Variants in CDH2 observed in about 807,000 individuals in gnomAD.
The protein encoded by CDH2 is cadherin 2.
In CDH2, 17 loss-of-function variants were observed where a neutral mutation model predicts 92.0. That is an observed-to-expected ratio of 0.18 (90% CI 0.13 to 0.28). The LOEUF (loss-of-function observed/expected upper bound fraction) is 0.28, where lower values mean the gene tolerates loss of function less well. CDH2 is among the 10% of genes least tolerant of loss of function. The probability of loss-of-function intolerance (pLI) is 1.00; values close to 1 mark genes in which losing one functional copy is unlikely to be tolerated. For synonymous variants in CDH2, 419 were observed against 415.9 expected, an observed-to-expected ratio of 1.01 and a Z score of -0.09; for missense variants, 862 against 1,133.1, an observed-to-expected ratio of 0.76 and a Z score of 3.44.
chr18:28,130,223 T>A (rs768483256), intron 2 of CDH2, among the ~76,000 whole-genome samples: 3 of 152,172 alleles, frequency 2.0e-5, no homozygotes, highest in Non-Finnish European at 2.9e-5. Context: ...CATGAGCAAG[T>A]CCTGGCTGGT....
At chr18:28,119,693 T>C (rs1490531713) in intron 2 of CDH2, among the ~76,000 whole-genome samples, 2 of 152,104 alleles carry the variant, frequency 1.3e-5, no homozygotes, top group African/African-American at 4.8e-5. Context: ...TCTCGTCTTC[T>C]CCCACAGTAA....
At chr18:28,096,449 T>G (rs2015137049) in intron 2 of CDH2, among the ~76,000 whole-genome samples, 1 of 151,030 alleles carries the variant, frequency 6.6e-6, no homozygotes, top group African/African-American at 2.4e-5. Context: ...ATGAAGTAAC[T>G]ATGGTAGAGA....
intron 2 of CDH2, among the ~76,000 whole-genome samples, chr18:28,135,640 A>G (rs2015849233): frequency 1.3e-5 from 2 of 152,344 alleles, no homozygotes; most frequent in Admixed American, 1.3e-4. Flanking sequence ...CTGCATCAAT[A>G]GAATATAGAT....
intron 2 of CDH2, among the ~76,000 whole-genome samples, chr18:28,120,605 T>C (rs1393838444): frequency 6.6e-6 from 1 of 152,078 alleles, no homozygotes; most frequent in Admixed American, 6.6e-5. Context: ...TTAGAAGATA[T>C]GTCAAACCTA....
rs2014983891 is a variant in CDH2 at position 28,088,770 on chromosome 18, G to A, written c.172+58903C>T. On this transcript the variant is annotated intron_variant, in intron 2 of 15. Coordinates refer to ENST00000269141, the MANE Select transcript of CDH2 (RefSeq NM_001792.5). The stretch of plus-strand genomic sequence containing the variant: ...CCAGCAAGTCAAGTGTTGCTAAACT[G>A]GGGGCCTTCTATGCATAGCAAAAGA... Among the ~76,000 whole-genome samples, 6 of 152,234 alleles carry A rather than the reference G, an allele frequency of 3.9e-5. 1 individual carries two copies. The South Asian group carries it at 1.2e-3, about 32-fold the overall frequency.
rs765699547 is a variant in CDH2 at position 27,985,239 on chromosome 18, T to C, written c.1976-6A>G. 2.2e-5 allele frequency: 34 copies of C among 1,522,824 alleles called. No individual in the cohort carries two copies. Among genetic ancestry groups the C allele is most frequent in the Non-Finnish European group, 2.8e-5 (31 of 1,098,972 alleles). 94.3% of individuals were successfully genotyped at this position (1,522,824 alleles called of 1,614,324 possible). ...ATTAAGCTGAGCAAAATCACCTATATGAAAAAGGAAAAACATAGTTTGATA... is the reference window on the plus strand; with the variant it reads ...ATTAAGCTGAGCAAAATCACCTATACGAAAAAGGAAAAACATAGTTTGATA... On this transcript the variant is annotated splice_polypyrimidine_tract_variant and splice_region_variant and intron_variant, in intron 12 of 15. Transcript: ENST00000269141.
At chr18:28,080,988 C>A (rs1238413373) in intron 2 of CDH2, among the ~76,000 whole-genome samples, 1 of 152,294 alleles carries the variant, frequency 6.6e-6, no homozygotes, top group Non-Finnish European at 1.5e-5. Context: ...AAGCAAGCAG[C>A]CCACTGAGCC....
At chr18:28,131,317 T>C (rs2015766034) in intron 2 of CDH2, among the ~76,000 whole-genome samples, 1 of 152,166 alleles carries the variant, frequency 6.6e-6, no homozygotes, top group South Asian at 2.1e-4. Flanking sequence ...TTTTCAATAA[T>C]CTAACACTCT....
intron 1 of CDH2, among the ~76,000 whole-genome samples, chr18:28,156,202 T>C (rs1347956156): frequency 1.3e-5 from 2 of 152,216 alleles, no homozygotes; most frequent in East Asian, 3.8e-4. Flanking sequence ...CTAGTATCAG[T>C]ACTTTTAGTT....
chr18:28,001,242 G>A (rs567212207), intron 7 of CDH2, among the ~76,000 whole-genome samples: 23 of 152,212 alleles, frequency 1.5e-4, no homozygotes, highest in African/African-American at 5.3e-4. Context: ...TCCTCTAAAC[G>A]AAATACAGTC....
chr18:28,096,045 G>A (rs1036093092), intron 2 of CDH2, among the ~76,000 whole-genome samples: 1 of 152,078 alleles, frequency 6.6e-6, no homozygotes, highest in African/African-American at 2.4e-5. Flanking sequence ...CACTGTGAGG[G>A]TGATTCAGAC....
At position 27,952,273 on chromosome 18, in the gene CDH2, A is replaced by T. The variant is rs1909497413; in HGVS notation, c.2601T>A (p.Ala867=). The T allele has an allele frequency of 6.2e-7, 1 of 1,613,430 alleles. No homozygotes were observed. The highest frequency in any genetic ancestry group is 8.5e-7 in the Non-Finnish European group (1 of 1,179,602). The stretch of plus-strand genomic sequence containing the variant: ...AGGAATTAAGGGAGCTCAAGGACCC[A>T]GCAGTGGAGCCACTGCCTTCATAGT... ...VFDYEGSGST[A]GSLSSLNSSS... is the part of the protein sequence containing the mutation. Residue 867 remains alanine (A), a synonymous_variant, in exon 16 of 16, where the codon GCT becomes GCA. Coordinates refer to ENST00000269141, the MANE Select transcript of CDH2 (RefSeq NM_001792.5).
At chr18:28,007,166 ATATATAT>A (rs1479329309) in intron 5 of CDH2, among the ~76,000 whole-genome samples, 2 of 80,750 alleles carry the variant, frequency 2.5e-5, no homozygotes, top group South Asian at 4.3e-4. Context: ...TAAAAAAAAA[ATATATAT>A]ATATATATAT....
chr18:28,098,181 C>A (rs1361080129), intron 2 of CDH2, among the ~76,000 whole-genome samples: 1 of 152,024 alleles, frequency 6.6e-6, no homozygotes, highest in Admixed American at 6.6e-5. Flanking sequence ...CATCTGTATG[C>A]TGTATTGCTA....
rs1458015469 is a variant in CDH2 at position 27,978,399 on chromosome 18, A to G, written c.2349+4545T>C. On this transcript the variant is annotated intron_variant, in intron 14 of 15. Coordinates refer to ENST00000269141, the MANE Select transcript of CDH2 (RefSeq NM_001792.5). ...AGAACAGCAGGAAGCTAACCCACAA[A>G]GCCGCACACACATATCACCTGCTTT... 3.9e-5 allele frequency among the ~76,000 whole-genome samples: 6 copies of G among 152,160 alleles called. No homozygotes were observed. In the South Asian group the frequency reaches 1.2e-3, roughly 32 times the overall value.
chr18:27,973,565 G>A (rs2011728351), intron 14 of CDH2, among the ~76,000 whole-genome samples: 1 of 152,140 alleles, frequency 6.6e-6, no homozygotes, highest in African/African-American at 2.4e-5. Flanking sequence ...ACTTCCCTAT[G>A]ACATACCTGG....
At chr18:27,997,868 A>G (rs1048206810) in intron 7 of CDH2, among the ~76,000 whole-genome samples, 2 of 151,820 alleles carry the variant, frequency 1.3e-5, no homozygotes, top group Non-Finnish European at 1.5e-5. Flanking sequence ...GTGCAGTGGC[A>G]CAATCTCGGC....
intron 5 of CDH2, among the ~76,000 whole-genome samples, chr18:28,008,757 G>T (rs145267300): frequency 6.6e-6 from 1 of 150,658 alleles, no homozygotes; most frequent in African/African-American, 2.4e-5. Flanking sequence ...AAAAAAAAAA[G>T]AAAAAACTTC....
At chr18:27,948,617 GAAAAT>G (rs1199663418), downstream of CDH2, among the ~76,000 whole-genome samples, 3 of 151,598 alleles carry the variant, frequency 2.0e-5, no homozygotes, top group Non-Finnish European at 4.4e-5. Context: ...ACTCAACAGG[GAAAAT>G]AAAATACGTA....
Sources: allele counts gnomAD v4.1 joint callset (sites outside exome capture counted in the v4.1 genomes callset), GRCh38; gene constraint gnomAD v4.1.1; transcripts MANE v1.5; gene names NCBI Gene and HGNC (gene_info 2026-07-23, HGNC 2026-07-21).